NTM: variants seen among roughly 807,000 people sequenced by gnomAD.
The protein encoded by NTM is IgLON family member 2.
A neutral mutation model predicts 42.1 loss-of-function variants in NTM; 13 were observed. The observed-to-expected ratio is 0.31, with a 90% CI of 0.20 to 0.49. NTM has a LOEUF of 0.49. Ranked by LOEUF, NTM falls within the 20% of genes least tolerant of loss-of-function variation. NTM has a pLI of 0.99. For missense variants in NTM, 373 were observed against 452.8 expected, an observed-to-expected ratio of 0.82 and a Z score of 1.60; for synonymous variants, 187 against 179.2, an observed-to-expected ratio of 1.04 and a Z score of -0.35.
At chr11:131,550,858 A>C (rs1270022853) in intron 1 of NTM, among the ~76,000 whole-genome samples, 2 of 152,122 alleles carry the variant, frequency 1.3e-5, no homozygotes, top group Non-Finnish European at 2.9e-5. Context: ...CCCTCAAAAA[A>C]CAGCCCTTAA....
At chr11:131,811,591 G>T (rs2092732034) in intron 1 of NTM, among the ~76,000 whole-genome samples, 1 of 152,240 alleles carries the variant, frequency 6.6e-6, no homozygotes, top group Non-Finnish European at 1.5e-5. Context: ...TTTACAGTGA[G>T]CAGGCTGACA....
intron 2 of NTM, among the ~76,000 whole-genome samples, chr11:131,951,352 A>G: frequency 6.6e-6 from 1 of 152,144 alleles, no homozygotes; most frequent in East Asian, 1.9e-4. Flanking sequence ...TCCATCCTCT[A>G]CAGCCAAATT....
At chr11:132,131,265 G>A (rs1024331728) in intron 2 of NTM, among the ~76,000 whole-genome samples, 2 of 152,160 alleles carry the variant, frequency 1.3e-5, no homozygotes, top group Admixed American at 6.5e-5. Flanking sequence ...TGTTGGGGCT[G>A]AGTGTGGGGC....
At chr11:131,384,505 G>A (rs1398671752) in intron 1 of NTM, among the ~76,000 whole-genome samples, 1 of 152,150 alleles carries the variant, frequency 6.6e-6, no homozygotes, top group Non-Finnish European at 1.5e-5. Flanking sequence ...GATACAAATA[G>A]AAAGAAGAAG....
intron 1 of NTM, among the ~76,000 whole-genome samples, chr11:131,707,297 G>C (rs755369362): frequency 2.0e-5 from 3 of 151,872 alleles, no homozygotes; most frequent in Admixed American, 6.6e-5. Context: ...TGTCCTTCAG[G>C]TTCATTCATA....
At chr11:132,093,313 T>G (rs1290091545) in intron 2 of NTM, among the ~76,000 whole-genome samples, 1 of 152,194 alleles carries the variant, frequency 6.6e-6, no homozygotes, top group Non-Finnish European at 1.5e-5. Context: ...CTCTGCCTGG[T>G]CTGTATTAGA....
At chr11:132,290,801 A>T (rs1214967291) in intron 4 of NTM, among the ~76,000 whole-genome samples, 5 of 152,194 alleles carry the variant, frequency 3.3e-5, no homozygotes, top group African/African-American at 1.2e-4. Context: ...GTGCTATCCC[A>T]GGGGATGTGC....
chr11:132,090,467 A>C (rs1338429160), intron 2 of NTM, among the ~76,000 whole-genome samples: 2 of 152,052 alleles, frequency 1.3e-5, no homozygotes, highest in Non-Finnish European at 2.9e-5. Context: ...CAGTAACTTC[A>C]TCTGCCCTCC....
chr11:131,977,624 A>G (rs544460045), intron 2 of NTM, among the ~76,000 whole-genome samples: 5 of 152,334 alleles, frequency 3.3e-5, no homozygotes, highest in African/African-American at 1.2e-4. Context: ...TTTGTGTGAC[A>G]TGGTTAAAGG....
At chr11:131,379,273 T>C (rs1040136647) in intron 1 of NTM, among the ~76,000 whole-genome samples, 1 of 152,162 alleles carries the variant, frequency 6.6e-6, no homozygotes, top group African/African-American at 2.4e-5. Context: ...TCTCCAGTGA[T>C]AGGAACTTGC....
intron 1 of NTM, among the ~76,000 whole-genome samples, chr11:131,408,610 A>T (rs1946063423): frequency 6.6e-6 from 1 of 152,206 alleles, no homozygotes; most frequent in Non-Finnish European, 1.5e-5. Context: ...CTTATGAGGT[A>T]TCAACCAGTT....
At chr11:132,169,175 T>C (rs900924668) in intron 3 of NTM, among the ~76,000 whole-genome samples, 1 of 151,964 alleles carries the variant, frequency 6.6e-6, no homozygotes, top group African/African-American at 2.4e-5. Flanking sequence ...GTCTCTTCTC[T>C]CTAAGGGCCA....
chr11:131,630,087 T>G (rs1293056419), intron 1 of NTM, among the ~76,000 whole-genome samples: 4 of 152,100 alleles, frequency 2.6e-5, no homozygotes, highest in Non-Finnish European at 4.4e-5. Context: ...AGGAAAATTA[T>G]TGGAAGCTCC....
In NTM at chr11:132,336,033, G is replaced by T. The variant is rs1376136793; in HGVS notation, c.*887G>T. 1 of 152,604 alleles carries T rather than the reference G, an allele frequency of 6.6e-6. No individual in the cohort carries two copies. Among genetic ancestry groups the T allele is most frequent in the Non-Finnish European group, 1.5e-5 (1 of 68,044 alleles). The allele number at this position is 152,604 out of a possible 1,614,324, so 9.5% of individuals were successfully genotyped here. ...TCCGATTTAACCAACATCTCCACCAGCGCTACGGACTCCTCCCAATTCTGA... is the reference window on the plus strand; with the variant it reads ...TCCGATTTAACCAACATCTCCACCATCGCTACGGACTCCTCCCAATTCTGA... On this transcript the variant is annotated 3_prime_UTR_variant, in exon 9 of 9. Transcript: ENST00000683400.
rs181057588 is a variant in NTM at position 131,672,380 on chromosome 11, G to A, written c.83-239184G>A. Among the ~76,000 whole-genome samples, 494 of 152,356 alleles carry A rather than the reference G, an allele frequency of 3.2e-3. 3 individuals carry two copies. Among genetic ancestry groups the A allele is most frequent in the African/African-American group, 0.011 (467 of 41,600 alleles). ...CCTTTGAAGGCACCGCACCCCCACC[G>A]AGGACACTGGGCCTGCTTCACGAAG... On this transcript the variant is annotated intron_variant, in intron 1 of 8. Coordinates refer to ENST00000683400, the MANE Select transcript of NTM (RefSeq NM_001352005.2).
intron 1 of NTM, among the ~76,000 whole-genome samples, chr11:131,903,604 C>T (rs992313892): frequency 2.1e-4 from 32 of 152,066 alleles, no homozygotes; most frequent in African/African-American, 7.2e-4. Flanking sequence ...GAATGGAAGG[C>T]CATATAAGAA....
chr11:131,803,881 C>A (rs780010267), intron 1 of NTM, among the ~76,000 whole-genome samples: 7 of 152,192 alleles, frequency 4.6e-5, no homozygotes, highest in African/African-American at 7.2e-5. Flanking sequence ...TTTATACATT[C>A]TTTTCCTTGG....
chr11:132,055,429 TAAAC>T lies in NTM; in HGVS notation c.168-90847_168-90844del, dbSNP rs765398759. Reference sequence around the variant, plus strand: ...ACTCAAATAGTATGAGCCCATCAAATAAACAAACACACCAACTTGCAAATGAATA... The same window carrying T: ...ACTCAAATAGTATGAGCCCATCAAATAAACACACCAACTTGCAAATGAATA... On this transcript the variant is annotated intron_variant, in intron 2 of 8. Transcript: ENST00000683400. 8.3e-4 allele frequency among the ~76,000 whole-genome samples: 126 copies of T among 152,074 alleles called. 3 individuals carry two copies. Among genetic ancestry groups the T allele is most frequent in the Non-Finnish European group, 2.5e-4 (17 of 68,006 alleles).
chr11:131,634,504 C>T (rs1019046441), intron 1 of NTM, among the ~76,000 whole-genome samples: 3 of 152,082 alleles, frequency 2.0e-5, no homozygotes, highest in African/African-American at 7.2e-5. Context: ...GACGCTAATG[C>T]ACTGACCAAA....
Sources: allele counts gnomAD v4.1 joint callset (sites outside exome capture counted in the v4.1 genomes callset), GRCh38; gene constraint gnomAD v4.1.1; transcripts MANE v1.5; gene names NCBI Gene and HGNC (gene_info 2026-07-23, HGNC 2026-07-21).